CDH4: variants seen among roughly 807,000 people sequenced by gnomAD.
CDH4 encodes the protein cadherin-4.
CDH4 carries 33 observed loss-of-function variants against 86.0 expected under a neutral mutation model. The ratio of observed to expected loss-of-function variants is 0.38; its 90% confidence interval spans 0.29 to 0.51. The LOEUF is 0.51. Among genes scored for constraint, CDH4 ranks in the 20% least tolerant of loss-of-function variants. CDH4 has a pLI of 0.86. For synonymous variants in CDH4, 555 were observed against 549.4 expected (o/e 1.01, Z -0.14); for missense variants, 1,114 against 1,307.4 (o/e 0.85, Z 2.28).
At chr20:61,277,734 C>T (rs966921555) in intron 2 of CDH4, among the ~76,000 whole-genome samples, 7 of 152,192 alleles carry the variant, frequency 4.6e-5, no homozygotes, top group African/African-American at 1.7e-4. Flanking sequence ...ATGAAATTGC[C>T]CCTCTGTGGG....
chr20:61,881,619 C>T (rs1160774796), intron 7 of CDH4, among the ~76,000 whole-genome samples: 1 of 152,178 alleles, frequency 6.6e-6, no homozygotes, highest in Non-Finnish European at 1.5e-5. Flanking sequence ...CAGAGGCCAA[C>T]GTCTCCATCT....
chr20:61,818,795 A>T (rs1436275400), intron 4 of CDH4, among the ~76,000 whole-genome samples: 3 of 151,700 alleles, frequency 2.0e-5, no homozygotes, highest in Non-Finnish European at 4.4e-5. Context: ...GTGGGCGGAA[A>T]GGAGCAGGTG....
intron 2 of CDH4, among the ~76,000 whole-genome samples, chr20:61,334,181 T>C (rs974486616): frequency 6.6e-6 from 1 of 152,212 alleles, no homozygotes; most frequent in Non-Finnish European, 1.5e-5. Flanking sequence ...CCCCCAAGTC[T>C]GCTTCCTATT....
rs558577669 is a variant in CDH4, at chr20:61,719,541, G to A, written c.170-24022G>A. On this transcript the variant is annotated intron_variant, in intron 2 of 15. Transcript: ENST00000614565. ...ATAATTTCTCGGGAGTCTTTATCTCGTTCCTCTGTATAATTGCCGCTTTAA... is the reference window on the plus strand; with the variant it reads ...ATAATTTCTCGGGAGTCTTTATCTCATTCCTCTGTATAATTGCCGCTTTAA... 7.8e-4 allele frequency: 158 copies of A among 202,670 alleles called. 1 individual carries two copies. The Middle Eastern group carries it at 0.011, about 15-fold the overall frequency. The allele number at this position is 202,670 out of a possible 1,614,324, so 12.6% of individuals were successfully genotyped here.
In CDH4 at chr20:61,439,583, T is replaced by A. The variant is rs2085303889; in HGVS notation, c.169+184646T>A. On this transcript the variant is annotated intron_variant, in intron 2 of 15. Coordinates refer to ENST00000614565, the MANE Select transcript of CDH4 (RefSeq NM_001794.5). Reference sequence around the variant, plus strand: ...ATAGGGACTAGGTTCTGAGAGCAGATGTCCCCACAGGGAGCATTCCAAGAG... The same window carrying A: ...ATAGGGACTAGGTTCTGAGAGCAGAAGTCCCCACAGGGAGCATTCCAAGAG... Among the ~76,000 whole-genome samples the A allele has an allele frequency of 7.2e-5, 11 of 152,250 alleles. No homozygotes were observed. The South Asian group carries it at 2.3e-3, about 31-fold the overall frequency.
intron 2 of CDH4, among the ~76,000 whole-genome samples, chr20:61,369,616 G>T (rs2084829238): frequency 6.6e-6 from 1 of 152,008 alleles, no homozygotes; most frequent in South Asian, 2.1e-4. Context: ...GGATGTATTA[G>T]AGATGAACCC....
chr20:61,923,531 G>T lies in CDH4; in HGVS notation c.1455G>T (p.Gln485His). 1 of 1,614,226 alleles carries T rather than the reference G, an allele frequency of 6.2e-7. No homozygotes were observed. The highest frequency in any genetic ancestry group is 8.5e-7 in the Non-Finnish European group (1 of 1,180,050). The change falls in exon 10 of 16, where the codon CAG becomes CAT. Residue 485 changes from glutamine (Q) to histidine (H), a missense_variant. Physicochemically the swap from Gln to His is conservative, Grantham distance 24. Coordinates refer to ENST00000614565, the MANE Select transcript of CDH4 (RefSeq NM_001794.5). The part of the protein sequence containing the change: ...SNQAPLASGI[Q>H]MSFQSTAGVT... ...AGGCGCCCCTGGCCAGCGGAATCCAGATGTCCTTCCAGTCCACGGCAGGGG... is the reference window on the plus strand; with the variant it reads ...AGGCGCCCCTGGCCAGCGGAATCCATATGTCCTTCCAGTCCACGGCAGGGG...
intron 2 of CDH4, among the ~76,000 whole-genome samples, chr20:61,551,607 A>G (rs2086130361): frequency 6.6e-6 from 1 of 152,108 alleles, no homozygotes; most frequent in Non-Finnish European, 1.5e-5. Flanking sequence ...ACCTAACCTT[A>G]TGCTTGTGAG....
chr20:61,571,489 C>A (rs532192847), intron 2 of CDH4, among the ~76,000 whole-genome samples: 2 of 152,274 alleles, frequency 1.3e-5, no homozygotes, highest in East Asian at 3.9e-4. Context: ...GATCAGAGCA[C>A]GGCAGGTGCC....
At chr20:61,657,941 G>A (rs116119316) in intron 2 of CDH4, among the ~76,000 whole-genome samples, 1,903 of 152,288 alleles carry the variant, frequency 0.012, 45 homozygotes, top group African/African-American at 0.042. Context: ...ACCGGTGGGA[G>A]CCAATGGCAC....
intron 2 of CDH4, among the ~76,000 whole-genome samples, chr20:61,265,115 A>T (rs542644473): frequency 6.9e-6 from 1 of 144,778 alleles, no homozygotes; most frequent in African/African-American, 2.6e-5. Context: ...AATCTTACAC[A>T]TACAGTGGCT....
chr20:61,801,075 G>A (rs953309335), intron 4 of CDH4, among the ~76,000 whole-genome samples: 3 of 152,190 alleles, frequency 2.0e-5, no homozygotes, highest in Admixed American at 6.5e-5. Context: ...TTCGGTGGGG[G>A]CTTGAGAAAC....
intron 2 of CDH4, among the ~76,000 whole-genome samples, chr20:61,528,454 A>AGG (rs2085927985): frequency 7.8e-5 from 1 of 12,812 alleles, no homozygotes. Flanking sequence ...AGGGGGGTGG[A>AGG]GGGGGAGAGG....
At chr20:61,645,619 G>A (rs191046544) in intron 2 of CDH4, among the ~76,000 whole-genome samples, 151 of 125,574 alleles carry the variant, frequency 1.2e-3, no homozygotes, top group East Asian at 2.8e-3. Context: ...GACAGAGTAC[G>A]ACCCTGTCTC....
At chr20:61,545,352 C>T (rs926173386) in intron 2 of CDH4, among the ~76,000 whole-genome samples, 7 of 152,256 alleles carry the variant, frequency 4.6e-5, no homozygotes, top group Non-Finnish European at 2.9e-5. Flanking sequence ...ACAATTCTGC[C>T]GGCCGTGGGC....
At chr20:61,320,507 T>A (rs2427078) in intron 2 of CDH4, among the ~76,000 whole-genome samples, 2 of 151,706 alleles carry the variant, frequency 1.3e-5, no homozygotes, top group Admixed American at 1.3e-4. Flanking sequence ...CATGAAATGT[T>A]TTACTTCAGC....
chr20:61,520,904 C>T (rs116656728), intron 2 of CDH4, among the ~76,000 whole-genome samples: 2 of 152,142 alleles, frequency 1.3e-5, no homozygotes, highest in East Asian at 1.9e-4. Flanking sequence ...ACTTAGTGGG[C>T]GAAGGGAGCA....
intron 2 of CDH4, among the ~76,000 whole-genome samples, chr20:61,427,512 T>A (rs2145510981): frequency 6.6e-6 from 1 of 152,114 alleles, no homozygotes; most frequent in East Asian, 1.9e-4. Flanking sequence ...TTTTTTCTTT[T>A]TTTGGACCAC....
Position 61,508,629 on chromosome 20 carries a change from G to T in CDH4, c.170-234934G>T, listed in dbSNP as rs1022932295. Reference sequence around the variant, plus strand: ...CAGGAGGACCTGGTGGCAGGAGGGGGCATCCAAGTGGCTTCTAAGCAGCAG... The same window carrying T: ...CAGGAGGACCTGGTGGCAGGAGGGGTCATCCAAGTGGCTTCTAAGCAGCAG... On this transcript the variant is annotated intron_variant, in intron 2 of 15. Coordinates refer to ENST00000614565, the MANE Select transcript of CDH4 (RefSeq NM_001794.5). Among the ~76,000 whole-genome samples, 5 of 152,370 alleles carry T rather than the reference G, an allele frequency of 3.3e-5. No homozygotes were observed. The East Asian group carries it at 5.8e-4, about 18-fold the overall frequency.
Sources: gnomAD v4.1 joint callset for allele counts (sites outside exome capture counted in the v4.1 genomes callset) on GRCh38, gnomAD v4.1.1 for gene constraint, MANE v1.5 for transcripts, NCBI Gene and HGNC (gene_info 2026-07-23, HGNC 2026-07-21) for gene names.